Variants in ADCY8 observed in about 807,000 individuals in gnomAD.
The protein encoded by ADCY8 is adenylate cyclase 8.
Under a neutral mutation model 119.7 loss-of-function variants are expected in ADCY8, and 51 were observed. The observed-to-expected ratio is 0.43, with a 90% CI of 0.34 to 0.54. The LOEUF (loss-of-function observed/expected upper bound fraction) is 0.54. Among genes scored for constraint, ADCY8 ranks in the 20% least tolerant of loss-of-function variants. The probability of loss-of-function intolerance (pLI) is 0.03; values close to 1 mark genes in which losing one functional copy is unlikely to be tolerated. For missense variants in ADCY8, 1,383 were observed against 1,598.8 expected (o/e 0.87, Z 2.30); for synonymous variants, 665 against 651.0 (o/e 1.02, Z -0.33).
Position 130,981,028 on chromosome 8 carries a change from T to C in ADCY8, c.1110+9365A>G, listed in dbSNP as rs546911676. On this transcript the variant is annotated intron_variant, in intron 2 of 17. Transcript: ENST00000286355. ...ATCTTTCTTTACCAAGAGGCAGTAA[T>C]GTTTGTTTCCAAATCTGTTCATGAT... Among the ~76,000 whole-genome samples, 143 of 152,330 alleles carry C rather than the reference T, an allele frequency of 9.4e-4. 1 individual carries two copies. The highest frequency in any genetic ancestry group is 2.7e-3 in the African/African-American group (114 of 41,574).
chr8:130,923,994 A>G (rs1234496141), intron 5 of ADCY8, among the ~76,000 whole-genome samples: 1 of 152,192 alleles, frequency 6.6e-6, no homozygotes, highest in Admixed American at 6.5e-5. Flanking sequence ...AAATGTACCA[A>G]TGTATGTAGG....
intron 9 of ADCY8, among the ~76,000 whole-genome samples, chr8:130,852,392 T>C (rs1817561853): frequency 6.6e-6 from 1 of 152,076 alleles, no homozygotes; most frequent in African/African-American, 2.4e-5. Flanking sequence ...GATGGGAAAC[T>C]TCCCTCCAAA....
intron 6 of ADCY8, among the ~76,000 whole-genome samples, chr8:130,908,631 A>C (rs1281657003): frequency 2.0e-5 from 3 of 152,218 alleles, no homozygotes; most frequent in Non-Finnish European, 4.4e-5. Context: ...ATAAGTTCAC[A>C]AGGTAGCAAA....
intron 9 of ADCY8, among the ~76,000 whole-genome samples, chr8:130,856,363 T>C (rs1424061491): frequency 6.6e-6 from 1 of 151,914 alleles, no homozygotes; most frequent in Non-Finnish European, 1.5e-5. Context: ...ACACTGATGT[T>C]TGTTGAGTGT....
At chr8:130,899,722 A>G (rs1187720364) in intron 7 of ADCY8, among the ~76,000 whole-genome samples, 1 of 152,218 alleles carries the variant, frequency 6.6e-6, no homozygotes, top group Non-Finnish European at 1.5e-5. Context: ...AACAGAATGA[A>G]CAATAGCTCA....
chr8:131,033,243 C>G (rs1348637785), intron 1 of ADCY8, among the ~76,000 whole-genome samples: 2 of 152,172 alleles, frequency 1.3e-5, no homozygotes, highest in South Asian at 4.1e-4. Context: ...AAATTAGCAT[C>G]TTAAGAAATA....
intron 7 of ADCY8, 122 bp from the exon 8 acceptor site, chr8:130,884,883 C>T (rs1818920930): frequency 1.0e-6 from 1 of 994,612 alleles, no homozygotes. Context: ...CAGTTGTATT[C>T]AGTGAAACCT....
chr8:131,036,446 A>T (rs1824157574), intron 1 of ADCY8, among the ~76,000 whole-genome samples: 1 of 152,150 alleles, frequency 6.6e-6, no homozygotes, highest in Non-Finnish European at 1.5e-5. Context: ...TTCCTATATG[A>T]TGAATTGTCT....
intron 5 of ADCY8, among the ~76,000 whole-genome samples, chr8:130,917,664 C>T (rs1302626868): frequency 6.6e-6 from 1 of 152,094 alleles, no homozygotes; most frequent in Non-Finnish European, 1.5e-5. Context: ...CCTTGTTGAT[C>T]CCGCTCAGGG....
At chr8:131,020,676 A>G (rs531246386) in intron 1 of ADCY8, among the ~76,000 whole-genome samples, 3 of 152,364 alleles carry the variant, frequency 2.0e-5, no homozygotes, top group African/African-American at 4.8e-5. Context: ...GCTGCAAATT[A>G]GAGAAGACCT....
intron 14 of ADCY8, among the ~76,000 whole-genome samples, chr8:130,801,419 C>T (rs977291832): frequency 3.3e-5 from 5 of 152,116 alleles, no homozygotes; most frequent in African/African-American, 7.2e-5. Context: ...GTCTGTCTTT[C>T]CTTCTCTTGC....
At chr8:131,012,407 A>G (rs4736733) in intron 1 of ADCY8, among the ~76,000 whole-genome samples, 1 of 151,386 alleles carries the variant, frequency 6.6e-6, no homozygotes, top group Admixed American at 6.6e-5. Flanking sequence ...ACTGCAGCAA[A>G]AGGGACTGTA....
chr8:130,805,233 C>A (rs1350253763), intron 14 of ADCY8, among the ~76,000 whole-genome samples: 1 of 152,140 alleles, frequency 6.6e-6, no homozygotes, highest in Non-Finnish European at 1.5e-5. Flanking sequence ...GAGACAGATA[C>A]AAGTAAGACC....
chr8:130,872,364 T>A (rs1050121639), intron 8 of ADCY8, among the ~76,000 whole-genome samples: 3 of 152,190 alleles, frequency 2.0e-5, no homozygotes, highest in Admixed American at 6.5e-5. Context: ...AACCACACCT[T>A]CACAGATTGC....
At chr8:130,972,088 T>C (rs1821939986) in intron 2 of ADCY8, among the ~76,000 whole-genome samples, 1 of 152,192 alleles carries the variant, frequency 6.6e-6, no homozygotes, top group Non-Finnish European at 1.5e-5. Flanking sequence ...AGAAGCCTCT[T>C]GTGTCCTCAT....
chr8:130,972,915 G>A (rs914194090), intron 2 of ADCY8, among the ~76,000 whole-genome samples: 2 of 151,720 alleles, frequency 1.3e-5, no homozygotes, highest in South Asian at 4.2e-4. Flanking sequence ...AAATGGGAAC[G>A]ATAATTAGCC....
intron 8 of ADCY8, among the ~76,000 whole-genome samples, chr8:130,870,825 C>T (rs775909182): frequency 3.2e-4 from 49 of 152,074 alleles, no homozygotes; most frequent in African/African-American, 8.7e-4. Flanking sequence ...AGTACGGAGA[C>T]GTACTTTGCT....
chr8:130,943,497 GAA>G, intron 3 of ADCY8, 35 bp from the exon 4 acceptor site: 1 of 491,356 alleles, frequency 2.0e-6, no homozygotes, highest in Non-Finnish European at 4.2e-6. Flanking sequence ...GTGGGGGGAG[GAA>G]GTATATTAAT....
chr8:130,924,271 T>G (rs1820397114), intron 5 of ADCY8, among the ~76,000 whole-genome samples: 1 of 152,162 alleles, frequency 6.6e-6, no homozygotes, highest in African/African-American at 2.4e-5. Context: ...GGTGACCCTA[T>G]GGTCTAAGAA....
Sources: gnomAD v4.1 joint callset for allele counts (sites outside exome capture counted in the v4.1 genomes callset) on GRCh38, gnomAD v4.1.1 for gene constraint, MANE v1.5 for transcripts, NCBI Gene and HGNC (gene_info 2026-07-23, HGNC 2026-07-21) for gene names.